Variants in WNT11 observed in about 807,000 individuals in gnomAD.
The protein encoded by WNT11 is Wnt family member 11.
WNT11 carries 20 observed loss-of-function variants against 35.6 expected under a neutral mutation model. That is an observed-to-expected ratio of 0.56 (90% CI 0.40 to 0.82). The LOEUF is 0.82. Ranked by LOEUF, WNT11 falls within the 40% of genes least tolerant of loss-of-function variation. WNT11 has a pLI of 0.00. For synonymous variants in WNT11, 200 were observed against 211.9 expected, an observed-to-expected ratio of 0.94 and a Z score of 0.49; for missense variants, 459 against 504.4, an observed-to-expected ratio of 0.91 and a Z score of 0.86.
In WNT11 at chr11:76,194,962, C is replaced by G; in HGVS notation, c.320-118G>C. The G allele has an allele frequency of 6.3e-6, 8 of 1,272,360 alleles. No homozygotes were observed. Among genetic ancestry groups the G allele is most frequent in the Non-Finnish European group, 7.3e-6 (7 of 953,060 alleles). The allele number at this position is 1,272,360 out of a possible 1,614,324, so 78.8% of individuals were successfully genotyped here. ...TAACCAAGGTGACGCCAGCAGGGGTCGGCACTAGGGCCATTGAGATGTCAC... is the reference window on the plus strand; with the variant it reads ...TAACCAAGGTGACGCCAGCAGGGGTGGGCACTAGGGCCATTGAGATGTCAC... On this transcript the variant is annotated intron_variant, in intron 2 of 4. Transcript: ENST00000322563. The surrounding 1 kb of genome is among the most constrained non-coding windows in gnomAD (Gnocchi z 5.4).
intron 1 of WNT11, among the ~76,000 whole-genome samples, chr11:76,203,433 C>G (rs977826802): frequency 6.6e-6 from 1 of 152,206 alleles, no homozygotes; most frequent in Non-Finnish European, 1.5e-5. Context: ...CGGCCTGGGC[C>G]TTTCCTCTCA....
At chr11:76,196,829 C>G in intron 1 of WNT11, 111 bp from the exon 2 acceptor site, 1 of 1,251,708 alleles carries the variant, frequency 8.0e-7, no homozygotes. Context: ...TGGACTTTGC[C>G]TCCTGGTTTC....
upstream of WNT11, chr11:76,210,508 G>A (rs1953553597): frequency 5.1e-6 from 5 of 985,136 alleles, no homozygotes; most frequent in Admixed American, 6.2e-5. Flanking sequence ...CTGCGTGCCC[G>A]GGTGCCCCGG....
intron 2 of WNT11, 151 bp downstream of exon 2, chr11:76,196,332 A>G: frequency 1.2e-6 from 1 of 866,746 alleles, no homozygotes; most frequent in South Asian, 1.6e-5. Flanking sequence ...CCCATACCCC[A>G]TCCATCCATG....
intron 4 of WNT11, among the ~76,000 whole-genome samples, chr11:76,188,230 G>C (rs1239378168): frequency 2.0e-5 from 3 of 152,226 alleles, no homozygotes; most frequent in African/African-American, 7.2e-5. Flanking sequence ...AGGCCTGTAG[G>C]GCCCTTGGGT....
chr11:76,206,592 G>A (rs1471532612), upstream of WNT11: 4 of 1,176,812 alleles, frequency 3.4e-6, no homozygotes, highest in East Asian at 7.1e-5. Context: ...CGGGGCCCGG[G>A]GAGGCCGAGC....
chr11:76,190,401 G>A (rs1953165487), intron 4 of WNT11, among the ~76,000 whole-genome samples: 1 of 152,022 alleles, frequency 6.6e-6, no homozygotes, highest in South Asian at 2.1e-4. Context: ...GCCTGACCTG[G>A]TTCCATCTTC....
At chr11:76,204,277 C>T (rs1444048897) in intron 1 of WNT11, among the ~76,000 whole-genome samples, 3 of 152,320 alleles carry the variant, frequency 2.0e-5, no homozygotes, top group African/African-American at 7.2e-5. Context: ...CTTTAATCCC[C>T]TATTGCTAGA....
Position 76,194,755 on chromosome 11 carries a change from C to G in WNT11, c.409G>C (p.Gly137Arg), listed in dbSNP as rs778521234. 6.4e-7 allele frequency: 1 copy of G among 1,553,386 alleles called. No homozygotes were observed. The highest frequency in any genetic ancestry group is 8.7e-7 in the Non-Finnish European group (1 of 1,149,572). ...CCTGGGACGGGGCCGCAGGAGCAGC[C>G]GGGCAGGTCGCCGGAGGTGCAGGCC... Reference protein sequence around the residue: ...ARACTSGDLPGCSCGPVPGEP... With the variant: ...ARACTSGDLPRCSCGPVPGEP... The change falls in exon 3 of 5, where the codon GGC becomes CGC. Residue 137 changes from glycine to arginine, a missense_variant. Physicochemically the swap from Gly to Arg is moderately radical, Grantham distance 125. Transcript: ENST00000322563. The surrounding 1 kb of genome is among the most constrained non-coding windows in gnomAD (Gnocchi z 5.4).
At chr11:76,187,316 CA>C in intron 4 of WNT11, 77 bp from the exon 5 acceptor site, 1 of 1,393,216 alleles carries the variant, frequency 7.2e-7, no homozygotes, top group Non-Finnish European at 9.4e-7. Context: ...CCCAGCCAGG[CA>C]GCCGGCAGCG....
At chr11:76,199,389 T>G (rs1245565647) in intron 1 of WNT11, among the ~76,000 whole-genome samples, 1 of 151,808 alleles carries the variant, frequency 6.6e-6, no homozygotes, top group African/African-American at 2.4e-5. Flanking sequence ...AGAGGATCAC[T>G]TGAGCCCGGG....
chr11:76,198,243 A>G (rs1953318570), intron 1 of WNT11, among the ~76,000 whole-genome samples: 1 of 152,254 alleles, frequency 6.6e-6, no homozygotes. Flanking sequence ...CTGAGGGCTT[A>G]AATCAGACAA....
Position 76,194,604 on chromosome 11 carries a change from T to G in WNT11, c.560A>C (p.Lys187Thr), listed in dbSNP as rs1405573571. 5.8e-6 allele frequency: 9 copies of G among 1,550,184 alleles called. No homozygotes were observed. The South Asian group carries it at 1.1e-4, about 18-fold the overall frequency. The change falls in exon 3 of 5, where the codon AAA (lysine) becomes ACA (threonine). Residue 187 changes from lysine (K) to threonine (T), a missense_variant. Lys to Thr is a moderately conservative substitution (Grantham distance 78, BLOSUM62 -1). Transcript: ENST00000322563. The surrounding 1 kb of genome is among the most constrained non-coding windows in gnomAD (Gnocchi z 5.4). ...TTCACTGTTGTGTAGACGCATCAGT[T>G]TATTGGCTTGGGATCCTGTTTTTTT... ...KVKKTGSQAN[K>T]LMRLHNSEVG... is the part of the protein sequence containing the mutation.
At chr11:76,199,717 G>A (rs1953345192) in intron 1 of WNT11, among the ~76,000 whole-genome samples, 3 of 152,116 alleles carry the variant, frequency 2.0e-5, no homozygotes, top group African/African-American at 7.2e-5. Context: ...GCAGGACCTG[G>A]GAGGCAGAGA....
chr11:76,187,301 TGAC>T, intron 4 of WNT11, 62 bp from the exon 5 acceptor site: 3 of 1,527,240 alleles, frequency 2.0e-6, no homozygotes, highest in Non-Finnish European at 1.8e-6. Flanking sequence ...CAACACCCCA[TGAC>T]TCCCAGCCAG....
chr11:76,206,413 C>G lies in WNT11; in HGVS notation c.-6G>C. ...ACCTGCGGCCGCGCCCTCATCGTCG[C>G]GCGGCGGGCGCGCCCGGGGTCACAC... On this transcript the variant is annotated 5_prime_UTR_variant, in exon 1 of 5. Transcript: ENST00000322563. 6.7e-7 allele frequency: 1 copy of G among 1,499,830 alleles called. No individual in the cohort carries two copies. The highest frequency in any genetic ancestry group is 8.9e-7 in the Non-Finnish European group (1 of 1,129,584). The allele number at this position is 1,499,830 out of a possible 1,614,324, so 92.9% of individuals were successfully genotyped here. A position where few individuals can be genotyped will look rare whatever the true frequency, so the allele number is the denominator to read the frequency against.
At chr11:76,205,208 C>G (rs561303969) in intron 1 of WNT11, among the ~76,000 whole-genome samples, 29 of 152,326 alleles carry the variant, frequency 1.9e-4, no homozygotes, top group Middle Eastern at 3.4e-3. Flanking sequence ...CAGTGACCTC[C>G]AGACTGTTTG....
chr11:76,187,284 ACC>A, intron 4 of WNT11, 45 bp from the exon 5 acceptor site: 4 of 1,558,708 alleles, frequency 2.6e-6, no homozygotes, highest in Admixed American at 1.7e-5. Flanking sequence ...CTTGGTCACC[ACC>A]CCACCAACAC....
chr11:76,202,584 G>A (rs1463685410), intron 1 of WNT11, among the ~76,000 whole-genome samples: 1 of 151,748 alleles, frequency 6.6e-6, no homozygotes, highest in East Asian at 1.9e-4. Flanking sequence ...GGGCAACCTT[G>A]GGGAAGCTCT....
Sources: gnomAD v4.1 joint callset for allele counts (sites outside exome capture counted in the v4.1 genomes callset) on GRCh38, gnomAD v4.1.1 for gene constraint, Gnocchi (gnomAD v3.1) non-coding constraint, MANE v1.5 for transcripts, NCBI Gene and HGNC (gene_info 2026-07-23, HGNC 2026-07-21) for gene names.